The following SLC36A1 variants were observed in gnomAD, a reference collection of about 807,000 sequenced individuals.
SLC36A1 encodes proton-coupled amino acid transporter 1.
A neutral mutation model predicts 47.5 loss-of-function variants in SLC36A1; 30 were observed. The ratio of observed to expected loss-of-function variants is 0.63; its 90% CI spans 0.47 to 0.86. The LOEUF is 0.86. Ranked by LOEUF, SLC36A1 falls within the 40% of genes least tolerant of loss-of-function variation. The probability of loss-of-function intolerance (pLI) is 0.00; values close to 1 mark genes in which losing one functional copy is unlikely to be tolerated. For missense variants in SLC36A1, 517 were observed against 606.0 expected (o/e 0.85, Z 1.54); for synonymous variants, 255 against 249.7 (o/e 1.02, Z -0.20).
the SLC36A1 span, among the ~76,000 whole-genome samples, chr5:151,498,665 C>G: frequency 1.3e-5 from 2 of 152,286 alleles, no homozygotes; most frequent in Admixed American, 6.5e-5. Flanking sequence ...TGCACCCTGC[C>G]CTCCATAAGT....
At chr5:151,420,159 A>C in the SLC36A1 span, among the ~76,000 whole-genome samples, 2 of 152,190 alleles carry the variant, frequency 1.3e-5, no homozygotes, top group Admixed American at 1.3e-4. Context: ...ATTTCCCTGA[A>C]GGGCTCCAAA....
chr5:151,547,905 A>G, the SLC36A1 span, among the ~76,000 whole-genome samples: 6 of 152,284 alleles, frequency 3.9e-5, no homozygotes, highest in South Asian at 1.2e-3. Flanking sequence ...TTCTTTATAC[A>G]TTCCTGTATT....
chr5:151,375,576 G>A, the SLC36A1 span, among the ~76,000 whole-genome samples: 4 of 150,726 alleles, frequency 2.7e-5, no homozygotes, highest in African/African-American at 9.8e-5. Flanking sequence ...AAATTTTAAG[G>A]TTTTTTTTTC....
At chr5:151,448,811 T>G (rs1397340913) in intron 1 of SLC36A1, among the ~76,000 whole-genome samples, 1 of 152,216 alleles carries the variant, frequency 6.6e-6, no homozygotes, top group Non-Finnish European at 1.5e-5. Flanking sequence ...CAACCTTAAG[T>G]GACTCGCGTT....
chr5:151,477,280 A>G (rs1758203130), intron 9 of SLC36A1, among the ~76,000 whole-genome samples: 1 of 152,228 alleles, frequency 6.6e-6, no homozygotes, highest in African/African-American at 2.4e-5. Context: ...GGGCATGTGC[A>G]GAGCAACCAT....
chr5:151,411,929 C>T, the SLC36A1 span, among the ~76,000 whole-genome samples: 2 of 145,000 alleles, frequency 1.4e-5, 1 homozygote, highest in Non-Finnish European at 3.0e-5. Context: ...GTGACATGAA[C>T]ATCCACCCCA....
the SLC36A1 span, chr5:151,378,465 C>A: frequency 2.4e-5 from 5 of 207,962 alleles, no homozygotes; most frequent in African/African-American, 9.2e-5. Context: ...CTTAAGGCAG[C>A]GATTAAAGCT....
the SLC36A1 span, among the ~76,000 whole-genome samples, chr5:151,368,777 A>G: frequency 6.6e-6 from 1 of 152,194 alleles, no homozygotes; most frequent in African/African-American, 2.4e-5. Context: ...TGTCCTATCC[A>G]TGCCACATTT....
At chr5:151,495,284 T>C (rs1308012350), downstream of SLC36A1, among the ~76,000 whole-genome samples, 3 of 152,260 alleles carry the variant, frequency 2.0e-5, no homozygotes, top group Admixed American at 6.5e-5. Flanking sequence ...AAGTACTTGT[T>C]CAAATATTTT....
the SLC36A1 span, among the ~76,000 whole-genome samples, chr5:151,530,612 GT>G: frequency 6.6e-6 from 1 of 152,220 alleles, no homozygotes; most frequent in Non-Finnish European, 1.5e-5. Flanking sequence ...TAACAAACCA[GT>G]TTCGAAAAGA....
At chr5:151,493,845 G>A (rs1327835721), downstream of SLC36A1, among the ~76,000 whole-genome samples, 1 of 152,154 alleles carries the variant, frequency 6.6e-6, no homozygotes, top group Non-Finnish European at 1.5e-5. Flanking sequence ...AGAGAATGTT[G>A]TAAAGTGCCA....
At chr5:151,354,857 A>AT in the SLC36A1 span, among the ~76,000 whole-genome samples, 1 of 152,066 alleles carries the variant, frequency 6.6e-6, no homozygotes, top group Non-Finnish European at 1.5e-5. Context: ...AACTATATAT[A>AT]CGGGGGGTGG....
intron 8 of SLC36A1, among the ~76,000 whole-genome samples, chr5:151,474,895 A>G (rs879377976): frequency 7.9e-5 from 12 of 152,184 alleles, no homozygotes; most frequent in Non-Finnish European, 1.5e-4. Context: ...GATTTCCGAG[A>G]CACCTTATTT....
At chr5:151,359,522 A>T in the SLC36A1 span, among the ~76,000 whole-genome samples, 1 of 152,208 alleles carries the variant, frequency 6.6e-6, no homozygotes, top group African/African-American at 2.4e-5. Context: ...ATGCCATAAA[A>T]TTCACCCACT....
the SLC36A1 span, among the ~76,000 whole-genome samples, chr5:151,356,187 A>G: frequency 6.6e-6 from 1 of 151,510 alleles, no homozygotes; most frequent in Non-Finnish European, 1.5e-5. Flanking sequence ...AAAAATACAA[A>G]AACTGGCTGG....
At chr5:151,436,615 C>T (rs918799715), upstream of SLC36A1, among the ~76,000 whole-genome samples, 1 of 152,066 alleles carries the variant, frequency 6.6e-6, no homozygotes, top group Admixed American at 6.5e-5. Flanking sequence ...ACAAATGCCT[C>T]TGTCTCTCTG....
At chr5:151,471,017 G>A (rs1271458692) in intron 7 of SLC36A1, 1 of 152,194 alleles carries the variant, frequency 6.6e-6, no homozygotes, top group African/African-American at 2.4e-5. Context: ...GATTGCAAGA[G>A]TACATCTCAC....
At chr5:151,382,099 T>C in the SLC36A1 span, 77 of 802,260 alleles carry the variant, frequency 9.6e-5, no homozygotes, top group Non-Finnish European at 1.6e-4. Flanking sequence ...CTACTGACAG[T>C]CATCCACATG....
At chr5:151,519,657 G>A in the SLC36A1 span, among the ~76,000 whole-genome samples, 6 of 152,292 alleles carry the variant, frequency 3.9e-5, no homozygotes, top group South Asian at 4.1e-4. Flanking sequence ...TGATCTGGGC[G>A]TTGGCTACAC....
Sources: allele counts gnomAD v4.1 joint callset (sites outside exome capture counted in the v4.1 genomes callset), GRCh38; gene constraint gnomAD v4.1.1; transcripts MANE v1.5; gene names NCBI Gene and HGNC (gene_info 2026-07-23, HGNC 2026-07-21).